MAGI2: variants seen among roughly 807,000 people sequenced by gnomAD.
MAGI2 encodes membrane associated guanylate kinase, WW and PDZ domain containing 2, also known as membrane-associated guanylate kinase, WW and PDZ domain-containing protein 2.
A neutral mutation model predicts 133.3 loss-of-function variants in MAGI2; 35 were observed. The observed-to-expected ratio is 0.26, with a 90% CI of 0.20 to 0.35. The LOEUF (loss-of-function observed/expected upper bound fraction) is 0.35, where lower values mean the gene tolerates loss of function less well. Among genes scored for constraint, MAGI2 ranks in the 10% least tolerant of loss-of-function variants. The pLI is 1.00. For synonymous variants in MAGI2, 729 were observed against 710.6 expected (o/e 1.03, Z -0.41); for missense variants, 1,636 against 1,863.4 (o/e 0.88, Z 2.25).
chr7:78,223,712 T>C (rs1584459739), intron 10 of MAGI2, among the ~76,000 whole-genome samples: 1 of 152,326 alleles, frequency 6.6e-6, no homozygotes, highest in East Asian at 1.9e-4. Context: ...TTATGATTTA[T>C]GGCCAATATT....
Position 78,941,740 on chromosome 7 carries a change from AC to A in MAGI2, c.418+65349del, listed in dbSNP as rs879655599. 3.7e-3 allele frequency among the ~76,000 whole-genome samples: 460 copies of A among 123,902 alleles called. 3 individuals carry two copies. Among genetic ancestry groups the A allele is most frequent in the African/African-American group, 8.6e-3 (270 of 31,322 alleles). 81.3% of individuals were successfully genotyped at this position (123,902 alleles called of 152,430 possible). ...TGAGCCTATTTCATCACACACACAC[AC>A]ACACACACACACACACACACACACA... On this transcript the variant is annotated intron_variant, in intron 2 of 21. Transcript: ENST00000354212.
intron 2 of MAGI2, among the ~76,000 whole-genome samples, chr7:78,632,414 G>A (rs1029508920): frequency 1.3e-5 from 2 of 152,162 alleles, no homozygotes; most frequent in Non-Finnish European, 2.9e-5. Context: ...AGACCTGAAG[G>A]GGAGCAGAGA....
At chr7:78,461,383 C>CGTGTGCGTGCGT (rs1789975076) in intron 6 of MAGI2, among the ~76,000 whole-genome samples, 1 of 92,658 alleles carries the variant, frequency 1.1e-5, no homozygotes, top group Non-Finnish European at 2.2e-5. Flanking sequence ...TTCCTGGACA[C>CGTGTGCGTGCGT]GTGTGTGTGC....
chr7:78,258,361 C>T (rs1409668932), intron 9 of MAGI2, among the ~76,000 whole-genome samples: 1 of 152,174 alleles, frequency 6.6e-6, no homozygotes, highest in Non-Finnish European at 1.5e-5. Context: ...TTTTTCTCTC[C>T]TGTTTCTTTT....
At chr7:78,489,898 CCTT>C in intron 5 of MAGI2, 58 bp from the exon 6 acceptor site, 1 of 1,197,762 alleles carries the variant, frequency 8.3e-7, no homozygotes. Flanking sequence ...CAAGTTTATT[CCTT>C]AAGAAAAAAA....
At chr7:79,187,296 G>C (rs1019301689) in intron 1 of MAGI2, among the ~76,000 whole-genome samples, 1 of 151,638 alleles carries the variant, frequency 6.6e-6, no homozygotes, top group Non-Finnish European at 1.5e-5. Context: ...AAAAGTTATA[G>C]AGCATTTTAT....
chr7:79,088,518 TTG>T (rs1381170250), intron 1 of MAGI2, among the ~76,000 whole-genome samples: 2 of 152,132 alleles, frequency 1.3e-5, no homozygotes, highest in Non-Finnish European at 2.9e-5. Context: ...TCTTGCCTGA[TTG>T]CCCTGGCCAG....
intron 1 of MAGI2, among the ~76,000 whole-genome samples, chr7:79,278,166 A>G (rs1835371903): frequency 6.6e-6 from 1 of 152,098 alleles, no homozygotes; most frequent in Non-Finnish European, 1.5e-5. Context: ...CTCTGGGTTC[A>G]TGTGAGATCT....
intron 9 of MAGI2, among the ~76,000 whole-genome samples, chr7:78,333,851 C>A (rs1167788871): frequency 6.6e-6 from 1 of 152,168 alleles, no homozygotes; most frequent in Non-Finnish European, 1.5e-5. Context: ...CCTGCCTGAT[C>A]CTGAGTGAGA....
intron 9 of MAGI2, among the ~76,000 whole-genome samples, chr7:78,293,178 C>G (rs541792447): frequency 5.9e-5 from 9 of 152,312 alleles, no homozygotes; most frequent in South Asian, 2.1e-4. Flanking sequence ...TTTTTATAGT[C>G]TACCCATCTG....
At chr7:78,081,153 T>C (rs1229449969) in intron 20 of MAGI2, among the ~76,000 whole-genome samples, 2 of 152,192 alleles carry the variant, frequency 1.3e-5, no homozygotes, top group African/African-American at 4.8e-5. Flanking sequence ...CTTCCTCGAC[T>C]CTATGCTCTT....
chr7:78,258,718 T>C (rs545064695), intron 9 of MAGI2, among the ~76,000 whole-genome samples: 1 of 152,234 alleles, frequency 6.6e-6, no homozygotes, highest in African/African-American at 2.4e-5. Flanking sequence ...CTGTAACTTT[T>C]CTTAAAATAT....
chr7:78,148,753 G>T (rs140247931), intron 16 of MAGI2, among the ~76,000 whole-genome samples: 29 of 152,248 alleles, frequency 1.9e-4, no homozygotes, highest in African/African-American at 7.0e-4. Flanking sequence ...CTGTGGATTA[G>T]CAGTGTCTGT....
At chr7:79,396,488 T>C (rs1409773073) in intron 1 of MAGI2, among the ~76,000 whole-genome samples, 3 of 152,220 alleles carry the variant, frequency 2.0e-5, no homozygotes, top group African/African-American at 7.2e-5. Context: ...TTGAGTTCAC[T>C]TCTTTAAACA....
intron 2 of MAGI2, among the ~76,000 whole-genome samples, chr7:78,830,161 T>C (rs1228954547): frequency 6.6e-6 from 1 of 152,126 alleles, no homozygotes; most frequent in Non-Finnish European, 1.5e-5. Flanking sequence ...AGTTCAAAGT[T>C]ACAAGCTCAG....
intron 1 of MAGI2, among the ~76,000 whole-genome samples, chr7:79,259,028 C>T (rs967466748): frequency 2.0e-5 from 3 of 152,206 alleles, no homozygotes; most frequent in African/African-American, 7.2e-5. Context: ...GCTTCTGTCA[C>T]TCACTTTGTA....
chr7:78,253,098 G>A (rs1584574409), intron 10 of MAGI2: 1 of 151,996 alleles, frequency 6.6e-6, no homozygotes, highest in East Asian at 1.9e-4. Context: ...GAAAACATAA[G>A]CAACACAAAC....
chr7:78,675,487 G>A (rs751068654), intron 2 of MAGI2, among the ~76,000 whole-genome samples: 2 of 152,022 alleles, frequency 1.3e-5, no homozygotes, highest in East Asian at 3.8e-4. Flanking sequence ...ATCAAGGAAG[G>A]AGGGAGAGAA....
At chr7:79,249,597 T>C (rs1302536436) in intron 1 of MAGI2, among the ~76,000 whole-genome samples, 1 of 152,024 alleles carries the variant, frequency 6.6e-6, no homozygotes, top group Non-Finnish European at 1.5e-5. Context: ...TATTGAACAA[T>C]GAAGAAATCC....
Sources: allele counts gnomAD v4.1 joint callset (sites outside exome capture counted in the v4.1 genomes callset), GRCh38; gene constraint gnomAD v4.1.1; transcripts MANE v1.5; gene names NCBI Gene and HGNC (gene_info 2026-07-23, HGNC 2026-07-21).